Variants in TSPAN1 observed in about 807,000 individuals in gnomAD.
TSPAN1 encodes the protein tetraspanin 1, also known as tetraspanin-1.
A neutral mutation model predicts 26.9 loss-of-function variants in TSPAN1; 23 were observed. The observed-to-expected ratio is 0.85, with a 90% CI of 0.62 to 1.21. The LOEUF (loss-of-function observed/expected upper bound fraction) is 1.21. Among genes scored for constraint, TSPAN1 ranks in the 50% most tolerant of loss-of-function variants. The pLI is 0.00. For missense variants in TSPAN1, 283 were observed against 298.4 expected (o/e 0.95, Z 0.38); for synonymous variants, 115 against 114.8 (o/e 1.00, Z -0.01).
intron 1 of TSPAN1, chr1:46,175,822 C>A (rs1250133196): frequency 3.4e-5 from 15 of 437,142 alleles, no homozygotes; most frequent in Non-Finnish European, 5.6e-5. Flanking sequence ...CAGAGATCAT[C>A]CTTTGGCGTG....
chr1:46,186,449 CTGG>C (rs1657427660), downstream of TSPAN1, among the ~76,000 whole-genome samples: 1 of 151,406 alleles, frequency 6.6e-6, no homozygotes, highest in Non-Finnish European at 1.5e-5. Flanking sequence ...GCTGGCCTAC[CTGG>C]TGTTCTTCAG....
At chr1:46,192,621 A>G in the TSPAN1 span, 2 of 1,612,414 alleles carry the variant, frequency 1.2e-6, no homozygotes, top group Non-Finnish European at 1.7e-6. Context: ...GAGTTCAGGG[A>G]GGGACAAGGA....
In TSPAN1 at chr1:46,184,599, C is replaced by T. The variant is rs1657386802; in HGVS notation, c.270C>T (p.Phe90=). The T allele has an allele frequency of 1.2e-6, 2 of 1,614,228 alleles. No individual in the cohort carries two copies. The highest frequency in any genetic ancestry group is 4.5e-5 in the East Asian group (2 of 44,888). ...GACCCCTGTTCCCCACTCAGTTCTT[C>T]TTCATCCTCCTCCTCATCTTCATTG... ...TESKCALVTF[F]FILLLIFIAE... is the part of the protein sequence containing the mutation. The change falls in exon 5 of 9, where the codon TTC becomes TTT. Residue 90 remains phenylalanine (F), a synonymous_variant. Coordinates refer to ENST00000372003, the MANE Select transcript of TSPAN1 (RefSeq NM_005727.4).
At chr1:46,194,592 C>G in the TSPAN1 span, 3 of 1,614,118 alleles carry the variant, frequency 1.9e-6, no homozygotes, top group African/African-American at 4.0e-5. Context: ...TTCAGCAGGA[C>G]TGGGTCCCCC....
downstream of TSPAN1, chr1:46,189,691 C>G (rs1313588642): frequency 6.5e-7 from 1 of 1,545,592 alleles, no homozygotes. Context: ...GAGATAGCAT[C>G]TTTTAGAATA....
chr1:46,192,677 C>T, the TSPAN1 span: 1 of 1,601,510 alleles, frequency 6.2e-7, no homozygotes, highest in Non-Finnish European at 8.5e-7. Flanking sequence ...AGCTGGGTCT[C>T]AGGAGCACCT....
chr1:46,193,749 G>T, the TSPAN1 span: 4 of 1,597,062 alleles, frequency 2.5e-6, no homozygotes, highest in Non-Finnish European at 8.5e-7. Context: ...AGGTGAATGC[G>T]TCTAGAATCT....
chr1:46,189,092 C>A, downstream of TSPAN1: 1 of 1,505,266 alleles, frequency 6.6e-7, no homozygotes, highest in South Asian at 1.4e-5. Flanking sequence ...ACTTTTAACT[C>A]AGGAACGGGG....
At chr1:46,192,385 T>C in the TSPAN1 span, 5 of 1,614,106 alleles carry the variant, frequency 3.1e-6, no homozygotes, top group African/African-American at 5.3e-5. Flanking sequence ...AGCCCAGGCA[T>C]GGTCTCCACA....
chr1:46,195,553 G>A, the TSPAN1 span: 1 of 530,608 alleles, frequency 1.9e-6, no homozygotes, highest in Non-Finnish European at 3.4e-6. Flanking sequence ...TCCCACTGCT[G>A]GAATATAAGC....
chr1:46,187,976 T>C (rs570848977), downstream of TSPAN1, among the ~76,000 whole-genome samples: 6 of 152,304 alleles, frequency 3.9e-5, no homozygotes, highest in Non-Finnish European at 8.8e-5. Context: ...CTCATCCTCC[T>C]GACATTAGGC....
chr1:46,195,779 G>C, the TSPAN1 span: 1 of 1,548,998 alleles, frequency 6.5e-7, no homozygotes, highest in South Asian at 1.2e-5. Flanking sequence ...GAGCTAGGGA[G>C]TAGGGGTCAG....
In TSPAN1 at chr1:46,185,473, C is replaced by T; in HGVS notation, c.679-13C>T. The T allele has an allele frequency of 6.2e-7, 1 of 1,614,148 alleles. No individual in the cohort carries two copies. Among genetic ancestry groups the T allele is most frequent in the Non-Finnish European group, 8.5e-7 (1 of 1,180,006 alleles). On this transcript the variant is annotated splice_polypyrimidine_tract_variant and intron_variant, in intron 8 of 8. Transcript: ENST00000372003. ...TCATGTTCCCTCATCTCTCCCTGTT[C>T]CTCCCTCTCCAGCTGGCTGCCATGA...
chr1:46,184,222 T>C lies in TSPAN1; in HGVS notation c.89T>C (p.Ile30Thr), dbSNP rs749530139. The change falls in exon 4 of 9, where the codon ATC (isoleucine) becomes ACC (threonine). Residue 30 changes from isoleucine (I) to threonine (T), a missense_variant. Physicochemically the swap from Ile to Thr is moderately conservative, Grantham distance 89. Transcript: ENST00000372003. Reference sequence around the variant, plus strand: ...GGTGCAGCCCTGTTGGCAGTGGGCATCTGGGTGTCAATCGATGGGGCATCC... The same window carrying C: ...GGTGCAGCCCTGTTGGCAGTGGGCACCTGGGTGTCAATCGATGGGGCATCC... ...LCGAALLAVG[I>T]WVSIDGASFL... 3 of 1,614,164 alleles carry C rather than the reference T, an allele frequency of 1.9e-6. No homozygotes were observed. Among genetic ancestry groups the C allele is most frequent in the Non-Finnish European group, 2.5e-6 (3 of 1,180,028 alleles).
chr1:46,186,624 G>A (rs368328563), downstream of TSPAN1, among the ~76,000 whole-genome samples: 79 of 149,036 alleles, frequency 5.3e-4, 2 homozygotes, highest in South Asian at 0.016. Flanking sequence ...TGAGTAGCTG[G>A]GATTACAGGC....
At chr1:46,184,125 T>C in intron 3 of TSPAN1, 66 bp from the exon 4 acceptor site, 1 of 1,544,014 alleles carries the variant, frequency 6.5e-7, no homozygotes, top group Non-Finnish European at 9.0e-7. Context: ...TCCTTCTTAC[T>C]CAGCTGTGTG....
At chr1:46,189,429 G>A, downstream of TSPAN1, 1 of 1,613,528 alleles carries the variant, frequency 6.2e-7, no homozygotes, top group Non-Finnish European at 8.5e-7. Context: ...TAGGCCTCCT[G>A]TTTCCCAGGG....
chr1:46,176,063 G>GAC (rs1657141130), intron 1 of TSPAN1, among the ~76,000 whole-genome samples: 1 of 152,174 alleles, frequency 6.6e-6, no homozygotes, highest in East Asian at 1.9e-4. Context: ...TTTTAGTAGA[G>GAC]ATGGGATTTC....
At chr1:46,192,301 C>T in the TSPAN1 span, 6 of 1,614,074 alleles carry the variant, frequency 3.7e-6, no homozygotes, top group African/African-American at 4.0e-5. Flanking sequence ...CCTACCCTGA[C>T]AGTTACCTTT....
Sources: allele counts gnomAD v4.1 joint callset (sites outside exome capture counted in the v4.1 genomes callset), GRCh38; gene constraint gnomAD v4.1.1; transcripts MANE v1.5; gene names NCBI Gene and HGNC (gene_info 2026-07-23, HGNC 2026-07-21).